Variants in ZNF263 observed in about 807,000 individuals in gnomAD.
ZNF263 encodes zinc finger protein FPM315.
A neutral mutation model predicts 63.1 loss-of-function variants in ZNF263; 49 were observed. That is an observed-to-expected ratio of 0.78 (90% CI 0.62 to 0.99). The LOEUF is 0.99. ZNF263 is among the 50% of genes least tolerant of loss of function. The pLI is 0.00. For missense variants in ZNF263, 872 were observed against 854.8 expected (o/e 1.02, Z -0.25); for synonymous variants, 352 against 324.2 (o/e 1.09, Z -0.92).
In ZNF263 at chr16:3,283,618, G is replaced by T. The variant is rs961002591; in HGVS notation, c.-201G>T. 4.2e-6 allele frequency: 3 copies of T among 716,088 alleles called. No individual in the cohort carries two copies. Among genetic ancestry groups the T allele is most frequent in the Admixed American group, 8.6e-5 (2 of 23,162 alleles). 44.4% of individuals were successfully genotyped at this position (716,088 alleles called of 1,614,324 possible). A position where few individuals can be genotyped will look rare whatever the true frequency, so the allele number is the denominator to read the frequency against. On this transcript the variant is annotated 5_prime_UTR_variant, in exon 1 of 6. Transcript: ENST00000219069. The stretch of plus-strand genomic sequence containing the variant: ...AGTCCTGGCGCAGATGGGCCACGGG[G>T]CCGGCGTGGCGGCGCCTGGGACCGA...
intron 2 of ZNF263, chr16:3,300,656 G>A (rs1353867694): frequency 2.6e-6 from 4 of 1,516,828 alleles, no homozygotes; most frequent in South Asian, 1.4e-5. Context: ...AAAACAAAGG[G>A]AAAAGCCTTA....
rs747202333 is a variant in ZNF263, at chr16:3,290,145, C to G, written c.1639C>G (p.Pro547Ala). The part of the protein sequence containing the change: ...ERTHERERLY[P>A]FSECGEAVSD... Reference sequence around the variant, plus strand: ...AACTCATGAGAGAGAGAGACTTTACCCCTTCTCTGAGTGTGGGGAAGCTGT... The same window carrying G: ...AACTCATGAGAGAGAGAGACTTTACGCCTTCTCTGAGTGTGGGGAAGCTGT... Residue 547 changes from proline (P) to alanine (A), a missense_variant, in exon 6 of 6, where the codon CCC (proline) becomes GCC (alanine). By Grantham distance (27) the Pro-to-Ala change is conservative. Coordinates refer to ENST00000219069, the MANE Select transcript of ZNF263 (RefSeq NM_005741.5). 2.5e-6 allele frequency: 4 copies of G among 1,613,946 alleles called. No individual in the cohort carries two copies. Among genetic ancestry groups the G allele is most frequent in the Non-Finnish European group, 3.4e-6 (4 of 1,179,980 alleles).
chr16:3,295,441 T>C (rs1370395821), downstream of ZNF263, among the ~76,000 whole-genome samples: 2 of 152,074 alleles, frequency 1.3e-5, no homozygotes, highest in Non-Finnish European at 1.5e-5. Flanking sequence ...CTCCGGTGTA[T>C]GGTGGTTCTC....
At chr16:3,298,133 A>G (rs1443111322) in intron 1 of ZNF263, among the ~76,000 whole-genome samples, 1 of 152,200 alleles carries the variant, frequency 6.6e-6, no homozygotes, top group African/African-American at 2.4e-5. Context: ...AGGTTAAGAG[A>G]TTTTAATGAC....
intron 2 of ZNF263, 63 bp downstream of exon 2, chr16:3,285,302 A>T: frequency 6.7e-7 from 1 of 1,493,342 alleles, no homozygotes; most frequent in Non-Finnish European, 9.1e-7. Context: ...CCCCGACACT[A>T]GCTGGATGTA....
At chr16:3,289,341 T>A in intron 5 of ZNF263, 52 bp from the exon 6 acceptor site, 1 of 1,486,258 alleles carries the variant, frequency 6.7e-7, no homozygotes, top group East Asian at 2.3e-5. Flanking sequence ...TGGGATTTTC[T>A]TTTCTCCAGC....
At chr16:3,289,363 G>A (rs1294426118) in intron 5 of ZNF263, 30 bp from the exon 6 acceptor site, 1 of 1,502,594 alleles carries the variant, frequency 6.7e-7, no homozygotes, top group African/African-American at 1.4e-5. Context: ...TAGAAATAAT[G>A]TACGGGTTTG....
chr16:3,292,220 A>G (rs1258620023), downstream of ZNF263, among the ~76,000 whole-genome samples: 1 of 152,202 alleles, frequency 6.6e-6, no homozygotes, highest in Non-Finnish European at 1.5e-5. Context: ...ATGAAGAAAC[A>G]GTCCTTTGGG....
rs1253237931 is a variant in ZNF263 at position 3,290,514 on chromosome 16, C to T, written c.2008C>T (p.Arg670Trp). The T allele has an allele frequency of 9.9e-6, 16 of 1,613,612 alleles. No individual in the cohort carries two copies. Among genetic ancestry groups the T allele is most frequent in the African/African-American group, 6.7e-5 (5 of 74,866 alleles). The change falls in exon 6 of 6, where the codon CGG becomes TGG. Residue 670 changes from arginine to tryptophan, a missense_variant. Arg to Trp is a moderately radical substitution (Grantham distance 101, BLOSUM62 -3). Coordinates refer to ENST00000219069, the MANE Select transcript of ZNF263 (RefSeq NM_005741.5). ...TTCTGAATGTGGAGAAAGCTTCTCT[C>T]GGAGTTCCCGTCTTATGAGTCATCA... ...KCSECGESFS[R>W]SSRLMSHQRT...
In ZNF263 at chr16:3,285,075, G is replaced by A. The variant is rs1959293348; in HGVS notation, c.404G>A (p.Arg135Gln). Residue 135 changes from arginine to glutamine, a missense_variant, in exon 2 of 6, where the codon CGG (arginine) becomes CAG (glutamine). Arg to Gln is a conservative substitution (Grantham distance 43). Coordinates refer to ENST00000219069, the MANE Select transcript of ZNF263 (RefSeq NM_005741.5). Reference sequence around the variant, plus strand: ...GGTTCCCAGGTCACAAACCATGGGCGGGGAACAGAAGTGCTTTTGGAGGAG... The same window carrying A: ...GGTTCCCAGGTCACAAACCATGGGCAGGGAACAGAAGTGCTTTTGGAGGAG... ...RLRQQVTNHG[R>Q]GTEVLLEEPL... 2.5e-6 allele frequency: 4 copies of A among 1,614,116 alleles called. No individual in the cohort carries two copies. Among genetic ancestry groups the A allele is most frequent in the Non-Finnish European group, 3.4e-6 (4 of 1,180,014 alleles).
chr16:3,299,879 G>A, intron 2 of ZNF263: 1 of 1,602,538 alleles, frequency 6.2e-7, no homozygotes, highest in Non-Finnish European at 8.5e-7. Context: ...TATATCACAG[G>A]CAATGTACTT....
At chr16:3,299,689 C>T (rs1484485334) in intron 2 of ZNF263, 1 of 1,540,532 alleles carries the variant, frequency 6.5e-7, no homozygotes, top group South Asian at 1.3e-5. Flanking sequence ...ACCATCCTCA[C>T]TGGTTAGGGA....
intron 2 of ZNF263, chr16:3,300,594 A>T (rs754151532): frequency 1.3e-6 from 2 of 1,587,346 alleles, no homozygotes; most frequent in African/African-American, 2.7e-5. Context: ...TCAGTGTTGT[A>T]TATTTCCCTC....
At chr16:3,285,023 C>T in intron 1 of ZNF263, 36 bp from the exon 2 acceptor site, 1 of 1,611,282 alleles carries the variant, frequency 6.2e-7, no homozygotes, top group Admixed American at 1.7e-5. Flanking sequence ...CTCTTGGGCC[C>T]TGTTGTGATG....
At chr16:3,297,912 T>C (rs1959805435) in intron 1 of ZNF263, among the ~76,000 whole-genome samples, 2 of 152,226 alleles carry the variant, frequency 1.3e-5, no homozygotes, top group Non-Finnish European at 2.9e-5. Flanking sequence ...TACCATTCTT[T>C]TGGTTACAAA....
chr16:3,285,258 G>C lies in ZNF263; in HGVS notation c.568+19G>C. 1 of 1,600,380 alleles carries C rather than the reference G, an allele frequency of 6.2e-7. No homozygotes were observed. The highest frequency in any genetic ancestry group is 8.5e-7 in the Non-Finnish European group (1 of 1,171,578). ...GAGAGGGGTGAGGCACAGTTATCTG[G>C]GCAGGTGGGAGGGAGGAGGGGCTTG... is the stretch of plus-strand genomic sequence containing the variant. On this transcript the variant is annotated intron_variant, in intron 2 of 5. Coordinates refer to ENST00000219069, the MANE Select transcript of ZNF263 (RefSeq NM_005741.5).
chr16:3,296,229 G>T (rs220382), downstream of ZNF263, among the ~76,000 whole-genome samples: 30,576 of 152,152 alleles, frequency 0.2, 3,617 homozygotes, highest in Admixed American at 0.29. Context: ...ACATGAAACA[G>T]TTAACAGGAA....
At chr16:3,288,384 A>C in intron 4 of ZNF263, 70 bp from the exon 5 acceptor site, 1 of 1,125,360 alleles carries the variant, frequency 8.9e-7, no homozygotes, top group Non-Finnish European at 1.4e-6. Flanking sequence ...AGGGCAGGGA[A>C]CAAGACTGTT....
At chr16:3,300,470 TA>T (rs750135056) in intron 2 of ZNF263, 2 of 1,614,134 alleles carry the variant, frequency 1.2e-6, no homozygotes, top group African/African-American at 2.7e-5. Context: ...ATTAACTTCT[TA>T]TTTTTTTTAA....
Sources: allele counts gnomAD v4.1 joint callset (sites outside exome capture counted in the v4.1 genomes callset), GRCh38; gene constraint gnomAD v4.1.1; transcripts MANE v1.5; gene names NCBI Gene and HGNC (gene_info 2026-07-23, HGNC 2026-07-21).